FNDC3B: variants seen among roughly 807,000 people sequenced by gnomAD.
The protein encoded by FNDC3B is fibronectin type III domain containing 3B, also known as fibronectin type III domain-containing protein 3B.
Under a neutral mutation model 151.5 loss-of-function variants are expected in FNDC3B, and 12 were observed. The ratio of observed to expected loss-of-function variants is 0.08; its 90% CI spans 0.05 to 0.13. The LOEUF (loss-of-function observed/expected upper bound fraction) is 0.13. Ranked by LOEUF, FNDC3B falls within the 10% of genes least tolerant of loss-of-function variation. The probability of loss-of-function intolerance (pLI) is 1.00; values close to 1 mark genes in which losing one functional copy is unlikely to be tolerated. For synonymous variants in FNDC3B, 528 were observed against 549.0 expected, an observed-to-expected ratio of 0.96 and a Z score of 0.54; for missense variants, 1,214 against 1,505.3, an observed-to-expected ratio of 0.81 and a Z score of 3.20.
intron 3 of FNDC3B, among the ~76,000 whole-genome samples, chr3:172,181,415 C>CAAAAAAAAAAAAAA (rs1283436921): frequency 9.9e-6 from 1 of 101,092 alleles, no homozygotes; most frequent in African/African-American, 4.1e-5. Flanking sequence ...AAAAAAAAAA[C>CAAAAAAAAAAAAAA]AAAAAAAAAC....
Position 172,344,252 on chromosome 3 carries a change from T to G in FNDC3B, c.2244T>G (p.Asp748Glu), listed in dbSNP as rs146385384. The G allele has an allele frequency of 6.2e-7, 1 of 1,613,716 alleles. No individual in the cohort carries two copies. The highest frequency in any genetic ancestry group is 2.2e-5 in the East Asian group (1 of 44,886). ...VYRFRVRALNDGGYGPYSDVS... is the reference protein window; with the variant it reads ...VYRFRVRALNEGGYGPYSDVS... ...GCTTCCGGGTGAGGGCTCTGAATGA[T>G]GGAGGGGTGAGTATAAGCCCATACA... The change falls in exon 19 of 26, where the codon GAT becomes GAG. Residue 748 changes from aspartate to glutamate, a missense_variant. Asp to Glu is a conservative substitution (Grantham distance 45, BLOSUM62 2). Coordinates refer to ENST00000415807, the MANE Select transcript of FNDC3B (RefSeq NM_022763.4).
intron 2 of FNDC3B, among the ~76,000 whole-genome samples, chr3:172,118,575 T>A (rs891243441): frequency 2.0e-5 from 3 of 152,222 alleles, no homozygotes; most frequent in African/African-American, 7.2e-5. Context: ...CTATTATTGC[T>A]AAATAACATT....
Position 172,181,197 on chromosome 3 carries a change from C to T in FNDC3B, c.188-45674C>T, listed in dbSNP as rs181967636. ...GATGGATCTCTTGAGCCCAGCAGTTCGAGACCAGCCTGGATACCACGATGA... is the reference window on the plus strand; with the variant it reads ...GATGGATCTCTTGAGCCCAGCAGTTTGAGACCAGCCTGGATACCACGATGA... On this transcript the variant is annotated intron_variant, in intron 3 of 25. Coordinates refer to ENST00000415807, the MANE Select transcript of FNDC3B (RefSeq NM_022763.4). Among the ~76,000 whole-genome samples the T allele has an allele frequency of 1.5e-3, 226 of 151,328 alleles. 1 individual carries two copies. The highest frequency in any genetic ancestry group is 5.0e-3 in the African/African-American group (205 of 41,194).
intron 3 of FNDC3B, among the ~76,000 whole-genome samples, chr3:172,146,155 G>A (rs1202437401): frequency 6.6e-6 from 1 of 152,102 alleles, no homozygotes; most frequent in Non-Finnish European, 1.5e-5. Flanking sequence ...ATAAAAAAAA[G>A]CATGGCACTA....
chr3:172,050,733 G>GTGTGTGTGTGTGTGTGTA (rs397991660), intron 1 of FNDC3B, among the ~76,000 whole-genome samples: 9 of 137,932 alleles, frequency 6.5e-5, no homozygotes, highest in East Asian at 2.1e-4. Context: ...GTGTGTGTGT[G>GTGTGTGTGTGTGTGTGTA]TATAGTGTGT....
chr3:172,250,639 C>G lies in FNDC3B; in HGVS notation c.509-621C>G, dbSNP rs114423106. ...CATATTGAAAGGTAAAAATCAAACT[C>G]AGTTATAAATGCAACTAGAATATGA... On this transcript the variant is annotated intron_variant, in intron 5 of 25. Coordinates refer to ENST00000415807, the MANE Select transcript of FNDC3B (RefSeq NM_022763.4). 9.6e-4 allele frequency among the ~76,000 whole-genome samples: 146 copies of G among 152,240 alleles called. 1 individual carries two copies. Among genetic ancestry groups the G allele is most frequent in the Non-Finnish European group, 1.3e-3 (91 of 68,016 alleles).
intron 25 of FNDC3B, among the ~76,000 whole-genome samples, chr3:172,382,964 T>G (rs1735536542): frequency 6.6e-6 from 1 of 152,214 alleles, no homozygotes; most frequent in Non-Finnish European, 1.5e-5. Flanking sequence ...CTTTTTTGGT[T>G]CCATATGAAA....
intron 3 of FNDC3B, among the ~76,000 whole-genome samples, chr3:172,205,681 T>C (rs1351456357): frequency 6.6e-6 from 1 of 152,228 alleles, no homozygotes; most frequent in East Asian, 1.9e-4. Context: ...TCTTGGAGTA[T>C]GTGTATCATA....
chr3:172,325,901 G>A (rs1732317848), intron 11 of FNDC3B, among the ~76,000 whole-genome samples: 1 of 151,866 alleles, frequency 6.6e-6, no homozygotes, highest in Admixed American at 6.6e-5. Flanking sequence ...TCGACTCACT[G>A]CAACCTCTGC....
chr3:172,281,210 T>C (rs1277519509), intron 6 of FNDC3B, among the ~76,000 whole-genome samples: 6 of 117,888 alleles, frequency 5.1e-5, no homozygotes, highest in Non-Finnish European at 1.7e-5. Context: ...TTATTATTAT[T>C]ATTTATATTT....
chr3:172,198,991 T>C (rs190008409), intron 3 of FNDC3B, among the ~76,000 whole-genome samples: 49 of 151,180 alleles, frequency 3.2e-4, no homozygotes, highest in African/African-American at 1.1e-3. Flanking sequence ...CATGCCTGGG[T>C]GATATTTAAA....
At chr3:172,141,378 A>G (rs1721624683) in intron 3 of FNDC3B, among the ~76,000 whole-genome samples, 1 of 152,224 alleles carries the variant, frequency 6.6e-6, no homozygotes, top group Non-Finnish European at 1.5e-5. Flanking sequence ...CCATGAATTT[A>G]AAGTAAATTT....
rs183942294 is a variant in FNDC3B, at chr3:172,244,413, C to T, written c.265-3120C>T. ...CTTTATTAAAGAATGTTACTGCCAC[C>T]GTTTCCTTAGTTGCCAATTATTTTG... On this transcript the variant is annotated intron_variant, in intron 4 of 25. Coordinates refer to ENST00000415807, the MANE Select transcript of FNDC3B (RefSeq NM_022763.4). 3.0e-3 allele frequency among the ~76,000 whole-genome samples: 460 copies of T among 152,160 alleles called. 2 individuals are homozygous for T. The highest frequency in any genetic ancestry group is 5.0e-3 in the Non-Finnish European group (339 of 68,018).
chr3:172,223,944 T>G (rs553258561), intron 3 of FNDC3B, among the ~76,000 whole-genome samples: 1 of 152,400 alleles, frequency 6.6e-6, no homozygotes, highest in East Asian at 1.9e-4. Flanking sequence ...CCTGACCATA[T>G]GAAGTAAGAA....
At chr3:172,367,225 T>C (rs558755862) in intron 23 of FNDC3B, among the ~76,000 whole-genome samples, 2 of 152,314 alleles carry the variant, frequency 1.3e-5, no homozygotes, top group Non-Finnish European at 2.9e-5. Context: ...GCTTCATATT[T>C]ATAGAACTAA....
chr3:172,067,691 A>AC (rs1397690348), intron 1 of FNDC3B, among the ~76,000 whole-genome samples: 1 of 115,402 alleles, frequency 8.7e-6, no homozygotes, highest in East Asian at 5.0e-4. Flanking sequence ...ATCACACTTG[A>AC]AAAAAAAATT....
chr3:172,109,716 C>T (rs1034581856), intron 1 of FNDC3B, among the ~76,000 whole-genome samples: 2 of 152,214 alleles, frequency 1.3e-5, no homozygotes, highest in Non-Finnish European at 2.9e-5. Flanking sequence ...CTTCCTCCAT[C>T]CCTTCCCAGT....
At chr3:172,130,878 A>G (rs1301586500) in intron 2 of FNDC3B, among the ~76,000 whole-genome samples, 1 of 152,132 alleles carries the variant, frequency 6.6e-6, no homozygotes, top group East Asian at 1.9e-4. Context: ...AATTAATTCC[A>G]TGGGCATATA....
At chr3:172,358,145 A>G (rs1386089525) in intron 22 of FNDC3B, among the ~76,000 whole-genome samples, 5 of 152,236 alleles carry the variant, frequency 3.3e-5, no homozygotes. Context: ...TGTGTCTGAC[A>G]TGACCTAGCT....
Sources: allele counts gnomAD v4.1 joint callset (sites outside exome capture counted in the v4.1 genomes callset), GRCh38; gene constraint gnomAD v4.1.1; transcripts MANE v1.5; gene names NCBI Gene and HGNC (gene_info 2026-07-23, HGNC 2026-07-21).